CCSER1: variants seen among roughly 807,000 people sequenced by gnomAD.
The protein encoded by CCSER1 is coiled-coil serine rich protein 1.
CCSER1 carries 41 observed loss-of-function variants against 82.0 expected under a neutral mutation model. The ratio of observed to expected loss-of-function variants is 0.50; its 90% CI spans 0.39 to 0.65. CCSER1 has a LOEUF of 0.65. Ranked by LOEUF, CCSER1 falls within the 30% of genes least tolerant of loss-of-function variation. CCSER1 has a pLI of 0.00. For missense variants in CCSER1, 1,119 were observed against 1,064.2 expected (o/e 1.05, Z -0.72); for synonymous variants, 414 against 383.9 (o/e 1.08, Z -0.92).
At chr4:90,624,816 G>A (rs1293563018) in intron 5 of CCSER1, among the ~76,000 whole-genome samples, 4 of 152,118 alleles carry the variant, frequency 2.6e-5, no homozygotes, top group Admixed American at 1.3e-4. Context: ...AACTTGGTTA[G>A]CACTCATAAG....
chr4:90,391,108 CAA>C (rs1326557051), intron 3 of CCSER1, among the ~76,000 whole-genome samples: 7 of 51,860 alleles, frequency 1.3e-4, no homozygotes, highest in Admixed American at 2.5e-4. Flanking sequence ...ACTAAAAATA[CAA>C]AAAAAAAAAA....
In CCSER1 at chr4:90,377,427, T is replaced by C. The variant is rs28444333; in HGVS notation, c.1510-22609T>C. Among the ~76,000 whole-genome samples the C allele has an allele frequency of 8.0e-3, 1,217 of 152,202 alleles. 14 individuals are homozygous for C. The highest frequency in any genetic ancestry group is 0.028 in the African/African-American group (1,172 of 41,542). On this transcript the variant is annotated intron_variant, in intron 3 of 10. Transcript: ENST00000509176. ...TATCATCAATACTGTATAACACCAG[T>C]ATAATTAGGTAGAAGTACTGGATAA...
chr4:91,166,766 C>A (rs1184788321), intron 10 of CCSER1, among the ~76,000 whole-genome samples: 1 of 152,152 alleles, frequency 6.6e-6, no homozygotes, highest in South Asian at 2.1e-4. Flanking sequence ...GTAAAGAGAA[C>A]TTTGAAAGAT....
intron 10 of CCSER1, among the ~76,000 whole-genome samples, chr4:91,181,251 A>T (rs935569462): frequency 2.0e-5 from 3 of 152,210 alleles, no homozygotes; most frequent in African/African-American, 7.2e-5. Flanking sequence ...TGTCACAGTG[A>T]GCTACTTCTC....
chr4:91,266,103 T>C (rs766460380), intron 10 of CCSER1, among the ~76,000 whole-genome samples: 6 of 152,156 alleles, frequency 3.9e-5, no homozygotes, highest in Non-Finnish European at 8.8e-5. Context: ...ACTGGGTCCC[T>C]GCTACAACAC....
chr4:90,542,259 C>G lies in CCSER1; in HGVS notation c.1724+73905C>G, dbSNP rs117395687. Among the ~76,000 whole-genome samples the G allele has an allele frequency of 8.5e-4, 130 of 152,166 alleles. 2 individuals are homozygous for G. The East Asian group carries it at 0.017, about 19-fold the overall frequency. Reference sequence around the variant, plus strand: ...AAAATGACCAAGAGTAATATAGCCTCAGATTTCTCTTTGTTACCTGATGAC... The same window carrying G: ...AAAATGACCAAGAGTAATATAGCCTGAGATTTCTCTTTGTTACCTGATGAC... On this transcript the variant is annotated intron_variant, in intron 5 of 10. Transcript: ENST00000509176.
chr4:90,416,686 T>C (rs1755849765), intron 4 of CCSER1, among the ~76,000 whole-genome samples: 1 of 152,218 alleles, frequency 6.6e-6, no homozygotes, highest in Non-Finnish European at 1.5e-5. Flanking sequence ...CCTAGTTTCT[T>C]AATGTTTTAT....
chr4:90,438,672 G>T (rs181823845), intron 4 of CCSER1, among the ~76,000 whole-genome samples: 2 of 152,062 alleles, frequency 1.3e-5, no homozygotes, highest in Non-Finnish European at 2.9e-5. Flanking sequence ...CATACACAAA[G>T]ATTTATTGAA....
chr4:90,900,307 G>C (rs1012090626), intron 8 of CCSER1, among the ~76,000 whole-genome samples: 4 of 151,672 alleles, frequency 2.6e-5, no homozygotes, highest in Non-Finnish European at 5.9e-5. Flanking sequence ...GGTATCAGTT[G>C]TAATGTCACT....
At chr4:91,312,321 A>G (rs2149254563) in intron 10 of CCSER1, among the ~76,000 whole-genome samples, 1 of 151,842 alleles carries the variant, frequency 6.6e-6, no homozygotes, top group Non-Finnish European at 1.5e-5. Flanking sequence ...AAGGAGAAAG[A>G]GGCAGAGATT....
intron 9 of CCSER1, among the ~76,000 whole-genome samples, chr4:91,020,642 A>G (rs969918512): frequency 1.3e-5 from 2 of 152,046 alleles, no homozygotes; most frequent in African/African-American, 4.8e-5. Flanking sequence ...AGCCTGGGTG[A>G]CAGAGCGAGA....
intron 9 of CCSER1, among the ~76,000 whole-genome samples, chr4:91,029,502 A>G (rs113698037): frequency 2.0e-5 from 3 of 152,006 alleles, no homozygotes; most frequent in African/African-American, 7.2e-5. Context: ...AGTGTGTTCT[A>G]AGGGCCTTAT....
intron 6 of CCSER1, among the ~76,000 whole-genome samples, chr4:90,666,154 C>G (rs917647260): frequency 6.6e-6 from 1 of 152,180 alleles, no homozygotes; most frequent in Admixed American, 6.5e-5. Context: ...CTCTCCTTTT[C>G]ATACGTTAGA....
chr4:90,591,568 A>G (rs1443161348), intron 5 of CCSER1, among the ~76,000 whole-genome samples: 4 of 152,158 alleles, frequency 2.6e-5, no homozygotes, highest in African/African-American at 9.7e-5. Context: ...AAATAGAAGC[A>G]CTTTTACTCT....
intron 10 of CCSER1, among the ~76,000 whole-genome samples, chr4:91,451,702 C>T (rs773905843): frequency 1.3e-5 from 2 of 151,800 alleles, no homozygotes; most frequent in Non-Finnish European, 2.9e-5. Context: ...AATTTAATTT[C>T]TAAAGCTGAA....
At chr4:91,275,101 G>C (rs573003537) in intron 10 of CCSER1, among the ~76,000 whole-genome samples, 2 of 150,494 alleles carry the variant, frequency 1.3e-5, no homozygotes, top group South Asian at 2.1e-4. Flanking sequence ...GCGAGACTCC[G>C]TCTAAAAAAA....
intron 4 of CCSER1, among the ~76,000 whole-genome samples, chr4:90,458,428 A>T (rs1440504487): frequency 2.0e-5 from 3 of 151,674 alleles, no homozygotes; most frequent in Non-Finnish European, 4.4e-5. Context: ...ATCTTGGCTC[A>T]CTGCAACCTC....
At chr4:91,376,487 A>G (rs2149330724) in intron 10 of CCSER1, among the ~76,000 whole-genome samples, 1 of 152,330 alleles carries the variant, frequency 6.6e-6, no homozygotes, top group South Asian at 2.1e-4. Flanking sequence ...TATGTGGTCT[A>G]TCATTGAATT....
chr4:91,063,247 TTTGCAAGGTTTCA>T (rs1328543236), intron 9 of CCSER1, among the ~76,000 whole-genome samples: 5 of 152,088 alleles, frequency 3.3e-5, no homozygotes, highest in Admixed American at 3.3e-4. Context: ...CAGTTGCAAC[TTTGCAAGGTTTCA>T]TTGCCTCATC....
Sources: gnomAD v4.1 joint callset for allele counts (sites outside exome capture counted in the v4.1 genomes callset) on GRCh38, gnomAD v4.1.1 for gene constraint, MANE v1.5 for transcripts, NCBI Gene and HGNC (gene_info 2026-07-23, HGNC 2026-07-21) for gene names.